Variants in PTPRR observed in about 807,000 individuals in gnomAD.
PTPRR encodes receptor-type tyrosine-protein phosphatase R.
PTPRR carries 38 observed loss-of-function variants against 77.2 expected under a neutral mutation model. The ratio of observed to expected loss-of-function variants is 0.49; its 90% confidence interval spans 0.38 to 0.65. PTPRR has a LOEUF of 0.65. Ranked by LOEUF, PTPRR falls within the 30% of genes least tolerant of loss-of-function variation. PTPRR has a pLI of 0.00. For missense variants in PTPRR, 744 were observed against 799.2 expected, an observed-to-expected ratio of 0.93 and a Z score of 0.83; for synonymous variants, 299 against 283.1, an observed-to-expected ratio of 1.06 and a Z score of -0.57.
chr12:70,667,338 T>C (rs1887048952), intron 10 of PTPRR, among the ~76,000 whole-genome samples: 1 of 152,154 alleles, frequency 6.6e-6, no homozygotes, highest in African/African-American at 2.4e-5. Flanking sequence ...ACACTGTGGA[T>C]TAAACATTAA....
chr12:70,654,449 C>T (rs564756494), intron 13 of PTPRR, among the ~76,000 whole-genome samples: 2 of 152,232 alleles, frequency 1.3e-5, no homozygotes, highest in South Asian at 2.1e-4. Context: ...GTGGCACACG[C>T]TTGTACTCCC....
At chr12:70,645,427 C>T (rs530210871) in intron 13 of PTPRR, among the ~76,000 whole-genome samples, 42 of 152,272 alleles carry the variant, frequency 2.8e-4, no homozygotes, top group African/African-American at 9.1e-4. Context: ...TTAGTTAATA[C>T]GACACCTAGG....
chr12:70,770,394 A>C (rs1890943099), intron 2 of PTPRR, among the ~76,000 whole-genome samples: 1 of 152,194 alleles, frequency 6.6e-6, no homozygotes, highest in Admixed American at 6.5e-5. Flanking sequence ...ATGCAGCCAA[A>C]AGACACATGA....
chr12:70,736,660 C>A (rs1183525246), intron 6 of PTPRR, among the ~76,000 whole-genome samples: 1 of 152,156 alleles, frequency 6.6e-6, no homozygotes, highest in Admixed American at 6.5e-5. Flanking sequence ...GTCAACAGGG[C>A]ATACTGAGTT....
chr12:70,761,017 T>C (rs1890678042), intron 4 of PTPRR, among the ~76,000 whole-genome samples: 1 of 152,134 alleles, frequency 6.6e-6, no homozygotes, highest in Admixed American at 6.6e-5. Context: ...AAAAATCACA[T>C]TTCAAATTAA....
intron 2 of PTPRR, among the ~76,000 whole-genome samples, chr12:70,786,031 C>T (rs1891314891): frequency 6.6e-6 from 1 of 152,118 alleles, no homozygotes; most frequent in Non-Finnish European, 1.5e-5. Flanking sequence ...TGGCAGAACC[C>T]AGCAGCCAAA....
intron 2 of PTPRR, among the ~76,000 whole-genome samples, chr12:70,785,692 A>G (rs1891306162): frequency 1.3e-5 from 2 of 152,174 alleles, no homozygotes; most frequent in Non-Finnish European, 2.9e-5. Context: ...GCTTGTAAAA[A>G]TATTTTTATA....
rs991833631 is a variant in PTPRR, at chr12:70,639,119, A to G, written c.*65T>C. ...TCCATTGCAGGAAGCTCCTTCTAGA[A>G]GCCTTGGGTGGGTAATTTGATTAAT... On this transcript the variant is annotated 3_prime_UTR_variant, in exon 14 of 14. Transcript: ENST00000283228. 1.1e-4 allele frequency: 158 copies of G among 1,405,824 alleles called. No individual in the cohort carries two copies. The highest frequency in any genetic ancestry group is 1.5e-4 in the Non-Finnish European group (151 of 1,006,900). 87.1% of individuals were successfully genotyped at this position (1,405,824 alleles called of 1,614,324 possible). A position where few individuals can be genotyped will look rare whatever the true frequency, so the allele number is the denominator to read the frequency against.
At position 70,899,983 on chromosome 12, in the gene PTPRR, CAT is replaced by C. The variant is rs571270646; in HGVS notation, c.59-7008_59-7007del. ...AATCTAACAGAACATGTGCAAGATA[CAT>C]ATATATACTGAAAACTATAAAATGT... On this transcript the variant is annotated intron_variant, in intron 1 of 13. Transcript: ENST00000283228. Among the ~76,000 whole-genome samples, 8 of 151,434 alleles carry C rather than the reference CAT, an allele frequency of 5.3e-5. No individual in the cohort carries two copies. In the South Asian group the frequency reaches 1.5e-3, roughly 27 times the overall value.
intron 1 of PTPRR, among the ~76,000 whole-genome samples, chr12:70,893,781 C>T (rs1021001078): frequency 2.6e-5 from 4 of 151,810 alleles, no homozygotes; most frequent in Non-Finnish European, 5.9e-5. Flanking sequence ...TATTCTGATC[C>T]CTGATGAAAG....
intron 2 of PTPRR, among the ~76,000 whole-genome samples, chr12:70,820,292 T>C (rs945997809): frequency 5.9e-5 from 9 of 152,210 alleles, no homozygotes; most frequent in Admixed American, 5.2e-4. Flanking sequence ...ACTCTCTTCT[T>C]GATAAAACTT....
chr12:70,707,703 C>CACTGAAG (rs1433548877), intron 6 of PTPRR, among the ~76,000 whole-genome samples: 1 of 151,970 alleles, frequency 6.6e-6, no homozygotes. Flanking sequence ...TGGGCACTCG[C>CACTGAAG]AGTGTGGAAG....
intron 2 of PTPRR, among the ~76,000 whole-genome samples, chr12:70,868,255 A>G (rs927440136): frequency 2.6e-4 from 40 of 152,230 alleles, no homozygotes; most frequent in African/African-American, 9.2e-4. Context: ...CAGGCAACCT[A>G]CAAAATGGGA....
At chr12:70,689,736 A>G (rs1051833555) in intron 8 of PTPRR, among the ~76,000 whole-genome samples, 4 of 152,098 alleles carry the variant, frequency 2.6e-5, no homozygotes, top group Non-Finnish European at 5.9e-5. Flanking sequence ...GCGCCCTAAA[A>G]GCTTCTTGCC....
At chr12:70,866,137 C>G (rs909024544) in intron 2 of PTPRR, among the ~76,000 whole-genome samples, 19 of 149,888 alleles carry the variant, frequency 1.3e-4, no homozygotes, top group African/African-American at 2.2e-4. Context: ...AGAAAAGCAA[C>G]AGCAAACACA....
intron 2 of PTPRR, among the ~76,000 whole-genome samples, chr12:70,784,064 G>GCAACCC (rs111557746): frequency 0.36 from 54,316 of 151,738 alleles, 12,539 homozygotes; most frequent in African/African-American, 0.66. Flanking sequence ...GCCTGGGTCT[G>GCAACCC]CGGTTTGGGT....
rs74926637 is a variant in PTPRR at position 70,763,644 on chromosome 12, G to A, written c.471+1021C>T. On this transcript the variant is annotated intron_variant, in intron 3 of 13. Coordinates refer to ENST00000283228, the MANE Select transcript of PTPRR (RefSeq NM_002849.4). ...ATTCCCTCCATAGTGAATGCAGATG[G>A]GTGCAATAGAAAGCTGAGCTCCATG... Among the ~76,000 whole-genome samples, 145 of 152,272 alleles carry A rather than the reference G, an allele frequency of 9.5e-4. 1 individual carries two copies. The highest frequency in any genetic ancestry group is 3.4e-3 in the African/African-American group (141 of 41,562).
At chr12:70,775,263 T>C (rs974109521) in intron 2 of PTPRR, among the ~76,000 whole-genome samples, 1 of 152,200 alleles carries the variant, frequency 6.6e-6, no homozygotes, top group Non-Finnish European at 1.5e-5. Context: ...GGCCTCTGTC[T>C]TGTTAGATTC....
At chr12:70,665,799 A>C (rs536381697) in intron 10 of PTPRR, among the ~76,000 whole-genome samples, 44 of 152,078 alleles carry the variant, frequency 2.9e-4, no homozygotes, top group Admixed American at 2.6e-3. Context: ...AAAAAAAAAA[A>C]CCTATTTTTA....
Sources: allele counts gnomAD v4.1 joint callset (sites outside exome capture counted in the v4.1 genomes callset), GRCh38; gene constraint gnomAD v4.1.1; transcripts MANE v1.5; gene names NCBI Gene and HGNC (gene_info 2026-07-23, HGNC 2026-07-21).